Variants in ARSG observed in about 807,000 individuals in gnomAD.
ARSG encodes arylsulfatase G.
A neutral mutation model predicts 50.5 loss-of-function variants in ARSG; 37 were observed. That is an observed-to-expected ratio of 0.73 (90% confidence interval 0.56 to 0.96). The LOEUF is 0.96. Ranked by LOEUF, ARSG falls within the 50% of genes least tolerant of loss-of-function variation. The pLI, the probability that ARSG is intolerant of heterozygous loss-of-function variation, is 0.00. For synonymous variants in ARSG, 225 were observed against 254.6 expected (o/e 0.88, Z 1.11); for missense variants, 629 against 675.3 (o/e 0.93, Z 0.76).
intron 6 of ARSG, among the ~76,000 whole-genome samples, chr17:68,364,086 C>G (rs2079425274): frequency 6.6e-6 from 1 of 152,158 alleles, no homozygotes; most frequent in East Asian, 1.9e-4. Context: ...CTCACCTGCC[C>G]TCTTCCATTT....
upstream of ARSG, among the ~76,000 whole-genome samples, chr17:68,287,105 T>C (rs529615855): frequency 3.3e-4 from 50 of 152,300 alleles, no homozygotes; most frequent in African/African-American, 1.2e-3. Context: ...TGCCTTAGCC[T>C]CCCAAGAAGC....
At position 68,351,623 on chromosome 17, in the gene ARSG, CTGA is replaced by C. The variant is rs2078766624; in HGVS notation, c.505_507del (p.Asp169del). On this transcript the variant is annotated inframe_deletion, in exon 5 of 12. Coordinates refer to ENST00000621439, the MANE Select transcript of ARSG (RefSeq NM_001267727.2). ...CCATATAGCCATGATATGGGCTGTACTGATACTCCAGGCTACAACCACCCTCCT... is the reference window on the plus strand; with the variant it reads ...CCATATAGCCATGATATGGGCTGTACTACTCCAGGCTACAACCACCCTCCT... The C allele has an allele frequency of 7.4e-6, 12 of 1,613,958 alleles. No homozygotes were observed. In the East Asian group the frequency reaches 2.7e-4, roughly 36 times the overall value.
intron 1 of ARSG, among the ~76,000 whole-genome samples, chr17:68,303,977 CT>C (rs2076515643): frequency 6.6e-6 from 1 of 152,192 alleles, no homozygotes; most frequent in Non-Finnish European, 1.5e-5. Context: ...TAATGATTCT[CT>C]TTGAAAATCC....
At chr17:68,437,911 C>G in the ARSG span, among the ~76,000 whole-genome samples, 1,159 of 123,594 alleles carry the variant, frequency 9.4e-3, 22 homozygotes, top group African/African-American at 0.034. Flanking sequence ...AAAGTGTTAC[C>G]AGAAACTTTG....
In ARSG at chr17:68,282,779, TAAAA is replaced by T. The variant is rs36155626; in HGVS notation, c.-552+23371_-552+23374del. Among the ~76,000 whole-genome samples, 3 of 53,398 alleles carry T rather than the reference TAAAA, an allele frequency of 5.6e-5. 1 individual carries two copies. Among genetic ancestry groups the T allele is most frequent in the Middle Eastern group, 0.028 (2 of 72 alleles). The allele number at this position is 53,398 out of a possible 152,430, so 35.0% of individuals were successfully genotyped here. A position where few individuals can be genotyped will look rare whatever the true frequency, so the allele number is the denominator to read the frequency against. ...CAACATAGTGAAACCCCATCTCTAC[TAAAA>T]AAAAAAAAAAAAAAAAAGGCCAGGT... On this transcript the variant is annotated intron_variant, in intron 1 of 11. Coordinates refer to the ARSG transcript ENST00000448504.
chr17:68,421,997 G>A, downstream of ARSG: 1 of 673,880 alleles, frequency 1.5e-6, no homozygotes, highest in Non-Finnish European at 2.6e-6. Context: ...TTTAGGTGTA[G>A]ACAAGTATGA....
At chr17:68,294,046 T>C (rs1555757286) in intron 1 of ARSG, among the ~76,000 whole-genome samples, 1 of 152,078 alleles carries the variant, frequency 6.6e-6, no homozygotes, top group Non-Finnish European at 1.5e-5. Context: ...TAGTTCTAAA[T>C]AAGAACAAAA....
At chr17:68,393,052 T>C (rs545521950) in intron 9 of ARSG, among the ~76,000 whole-genome samples, 2 of 152,304 alleles carry the variant, frequency 1.3e-5, no homozygotes, top group South Asian at 4.1e-4. Context: ...TTGTGAATCA[T>C]TAAGACACAA....
chr17:68,259,288 C>T (rs2075037486), exon 1 of ARSG: 1 of 152,196 alleles, frequency 6.6e-6, no homozygotes, highest in Non-Finnish European at 1.5e-5. Flanking sequence ...GGATCGGTCG[C>T]TTGGCTTCCC....
upstream of ARSG, among the ~76,000 whole-genome samples, chr17:68,290,737 G>A (rs2075957905): frequency 6.6e-6 from 1 of 152,226 alleles, no homozygotes; most frequent in Non-Finnish European, 1.5e-5. Flanking sequence ...CGGAGGGGCT[G>A]AGCCTGGAGC....
At chr17:68,446,754 T>A in the ARSG span, among the ~76,000 whole-genome samples, 3 of 152,204 alleles carry the variant, frequency 2.0e-5, no homozygotes, top group Admixed American at 2.0e-4. Context: ...CCTTGACATA[T>A]GCCTCTCCTA....
intron 8 of ARSG, among the ~76,000 whole-genome samples, chr17:68,376,491 A>G (rs768579121): frequency 2.0e-5 from 3 of 150,710 alleles, no homozygotes; most frequent in Non-Finnish European, 3.0e-5. Flanking sequence ...GGGTCTTGCT[A>G]TGTTGCCCAG....
intron 2 of ARSG, among the ~76,000 whole-genome samples, chr17:68,313,574 G>A (rs569107970): frequency 6.6e-6 from 1 of 152,144 alleles, no homozygotes. Context: ...CATCTGCGAA[G>A]ACGCTATCTC....
In ARSG at chr17:68,356,896, C is replaced by A. The variant is rs960484613; in HGVS notation, c.704+92C>A. The A allele has an allele frequency of 8.6e-6, 13 of 1,516,286 alleles. No homozygotes were observed. In the African/African-American group the frequency reaches 1.7e-4, roughly 19 times the overall value. 93.9% of individuals were successfully genotyped at this position (1,516,286 alleles called of 1,614,324 possible). A position where few individuals can be genotyped will look rare whatever the true frequency, so the allele number is the denominator to read the frequency against. ...TCCCTTGGCCTCAGCACGCTTGAGG[C>A]CATGGCAGAGTTTTGCTGCTCAGCA... On this transcript the variant is annotated intron_variant, in intron 6 of 11. Transcript: ENST00000621439.
the ARSG span, among the ~76,000 whole-genome samples, chr17:68,446,644 G>A: frequency 3.3e-5 from 5 of 152,134 alleles, no homozygotes; most frequent in African/African-American, 1.2e-4. Flanking sequence ...CACATGCCGT[G>A]GTTAGAACTA....
rs1054510813 is a variant in ARSG, at chr17:68,399,286, C to A, written c.1213-2074C>A. 6.6e-6 allele frequency among the ~76,000 whole-genome samples: 1 copy of A among 152,188 alleles called. No homozygotes were observed. The highest frequency in any genetic ancestry group is 1.5e-5 in the Non-Finnish European group (1 of 68,038). ...CAAACTGACCACCCCCATCCACCCCCTTTGGAGGCTGTAGCTGTGCATCCC... is the reference window on the plus strand; with the variant it reads ...CAAACTGACCACCCCCATCCACCCCATTTGGAGGCTGTAGCTGTGCATCCC... On this transcript the variant is annotated intron_variant, in intron 10 of 11. Coordinates refer to ENST00000621439, the MANE Select transcript of ARSG (RefSeq NM_001267727.2). The surrounding 1 kb of genome is among the most constrained non-coding windows in gnomAD (Gnocchi z 4.6).
chr17:68,270,819 A>G (rs1475659660), intron 1 of ARSG: 4 of 1,569,774 alleles, frequency 2.5e-6, no homozygotes, highest in Admixed American at 1.8e-5. Context: ...AAGTGTTTGT[A>G]TTTTGTGTAT....
At chr17:68,289,069 G>A (rs1258570001), upstream of ARSG, among the ~76,000 whole-genome samples, 1 of 152,108 alleles carries the variant, frequency 6.6e-6, no homozygotes, top group East Asian at 1.9e-4. Flanking sequence ...GTATTGGCCG[G>A]GTGCGGTAGC....
chr17:68,283,784 A>G (rs568318270), intron 1 of ARSG, among the ~76,000 whole-genome samples: 53 of 150,558 alleles, frequency 3.5e-4, no homozygotes, highest in Middle Eastern at 3.2e-3. Context: ...AGGCTGAGGC[A>G]GGAGAATCAC....
Sources: allele counts gnomAD v4.1 joint callset (sites outside exome capture counted in the v4.1 genomes callset), GRCh38; gene constraint gnomAD v4.1.1; non-coding constraint Gnocchi (gnomAD v3.1); transcripts MANE v1.5; gene names NCBI Gene and HGNC (gene_info 2026-07-23, HGNC 2026-07-21).